ATG7: variants seen among roughly 807,000 people sequenced by gnomAD.
The protein encoded by ATG7 is autophagy related 7.
ATG7 carries 70 observed loss-of-function variants against 82.4 expected under a neutral mutation model. The observed-to-expected ratio is 0.85, with a 90% CI of 0.70 to 1.04. The LOEUF is 1.04. ATG7 is among the 50% of genes least tolerant of loss of function. The pLI is 0.00. For synonymous variants in ATG7, 287 were observed against 313.0 expected, an observed-to-expected ratio of 0.92 and a Z score of 0.88; for missense variants, 792 against 864.3, an observed-to-expected ratio of 0.92 and a Z score of 1.05.
intron 18 of ATG7, among the ~76,000 whole-genome samples, chr3:11,378,045 T>TTTTTGG (rs1553635256): frequency 6.8e-6 from 1 of 146,708 alleles, no homozygotes; most frequent in African/African-American, 2.6e-5. Flanking sequence ...TTTTTTTTTT[T>TTTTTGG]GAGATGGAGT....
chr3:11,476,727 CTTTTTCATT>C (rs2088285440), intron 20 of ATG7, among the ~76,000 whole-genome samples: 2 of 152,162 alleles, frequency 1.3e-5, no homozygotes, highest in Non-Finnish European at 1.5e-5. Flanking sequence ...TGTTTTTCTT[CTTTTTCATT>C]TTTTTCCAAA....
intron 20 of ATG7, among the ~76,000 whole-genome samples, chr3:11,530,189 A>C (rs1345717247): frequency 6.6e-6 from 1 of 152,178 alleles, no homozygotes; most frequent in East Asian, 1.9e-4. Context: ...GACATGACTA[A>C]ACAAACTCTG....
chr3:11,333,029 G>C lies in ATG7; in HGVS notation c.825G>C (p.Gly275=), dbSNP rs1951870137. Residue 275 remains glycine, a synonymous_variant, in exon 11 of 21, where the codon GGG becomes GGC. Transcript: ENST00000693202. ...GCTTCCGTGACCGTACCATGCAGGG[G>C]GCGAGAGACGTTGCCCACAGCATCA... is the stretch of plus-strand genomic sequence containing the variant. The part of the protein sequence containing the change: ...VVCFRDRTMQ[G]ARDVAHSIIF... 2.5e-6 allele frequency: 4 copies of C among 1,577,456 alleles called. No individual in the cohort carries two copies. Among genetic ancestry groups the C allele is most frequent in the East Asian group, 2.4e-5 (1 of 41,798 alleles).
chr3:11,389,339 A>AC (rs2078589618), intron 19 of ATG7, among the ~76,000 whole-genome samples: 1 of 147,686 alleles, frequency 6.8e-6, no homozygotes, highest in Non-Finnish European at 1.5e-5. Flanking sequence ...TACTGTATTT[A>AC]TGATAGTGAT....
At chr3:11,285,129 T>C (rs1030820360) in intron 3 of ATG7, among the ~76,000 whole-genome samples, 35 of 145,020 alleles carry the variant, frequency 2.4e-4, no homozygotes, top group Non-Finnish European at 4.3e-4. Flanking sequence ...GGATTACAGG[T>C]GTGAGCCACC....
At chr3:11,475,315 CTTA>C (rs1429969665) in intron 20 of ATG7, among the ~76,000 whole-genome samples, 6 of 152,066 alleles carry the variant, frequency 3.9e-5, no homozygotes, top group Admixed American at 1.3e-4. Flanking sequence ...ATCCACTGGG[CTTA>C]TTATTAATGT....
In ATG7 at chr3:11,372,835, T is replaced by C. The variant is rs201043661; in HGVS notation, c.1876-7137T>C. 3.2e-4 allele frequency among the ~76,000 whole-genome samples: 28 copies of C among 87,176 alleles called. 1 individual carries two copies. Among genetic ancestry groups the C allele is most frequent in the East Asian group, 1.0e-3 (3 of 3,010 alleles). The allele number at this position is 87,176 out of a possible 152,430, so 57.2% of individuals were successfully genotyped here. ...GTGTGTGCGCGCGTGTGCGTGTGTG[T>C]GCGTGCGTGCGTGTGCGTGTGTGTG... On this transcript the variant is annotated intron_variant, in intron 18 of 20. Transcript: ENST00000693202.
chr3:11,532,908 G>A (rs1464714362), intron 20 of ATG7, among the ~76,000 whole-genome samples: 1 of 152,232 alleles, frequency 6.6e-6, no homozygotes, highest in Non-Finnish European at 1.5e-5. Flanking sequence ...AGGAGGACCT[G>A]AGTCTTGTTA....
At chr3:11,437,565 A>G (rs1372967548) in intron 20 of ATG7, among the ~76,000 whole-genome samples, 2 of 152,200 alleles carry the variant, frequency 1.3e-5, no homozygotes, top group Non-Finnish European at 2.9e-5. Context: ...CCTGTTTACC[A>G]CAGGATTTTT....
intron 9 of ATG7, among the ~76,000 whole-genome samples, chr3:11,322,418 C>A (rs2152739101): frequency 6.6e-6 from 1 of 152,196 alleles, no homozygotes; most frequent in Non-Finnish European, 1.5e-5. Flanking sequence ...AGGTGAGGTT[C>A]CATTCATTAG....
intron 19 of ATG7, among the ~76,000 whole-genome samples, chr3:11,384,167 T>G (rs1191894975): frequency 6.6e-6 from 1 of 152,196 alleles, no homozygotes; most frequent in Non-Finnish European, 1.5e-5. Context: ...ACCAAAACCT[T>G]TTTTCAGACC....
chr3:11,550,851 A>G (rs2071709030), intron 20 of ATG7, among the ~76,000 whole-genome samples: 1 of 150,220 alleles, frequency 6.7e-6, no homozygotes, highest in Non-Finnish European at 1.5e-5. Context: ...TTGCTTATGG[A>G]TTTGGGATCA....
chr3:11,489,546 C>G (rs1163712780), intron 20 of ATG7, among the ~76,000 whole-genome samples: 1 of 143,022 alleles, frequency 7.0e-6, no homozygotes, highest in Non-Finnish European at 1.5e-5. Flanking sequence ...TCTTGCTTTT[C>G]TAGTTCTTTT....
chr3:11,494,385 T>C (rs945531968), intron 20 of ATG7, among the ~76,000 whole-genome samples: 3 of 152,150 alleles, frequency 2.0e-5, no homozygotes, highest in Non-Finnish European at 4.4e-5. Context: ...GTAGGCCTGA[T>C]GGTTGGTTTT....
At chr3:11,417,107 TG>T (rs544874388) in intron 19 of ATG7, among the ~76,000 whole-genome samples, 11 of 152,334 alleles carry the variant, frequency 7.2e-5, no homozygotes, top group South Asian at 4.1e-4. Flanking sequence ...TGTTCTACCT[TG>T]GTGAATATTC....
At chr3:11,314,849 G>A (rs2152724522) in intron 8 of ATG7, among the ~76,000 whole-genome samples, 1 of 152,300 alleles carries the variant, frequency 6.6e-6, no homozygotes, top group Admixed American at 6.5e-5. Context: ...TGAGGTAGGA[G>A]GATTGATTGA....
intron 19 of ATG7, among the ~76,000 whole-genome samples, chr3:11,403,015 A>T (rs1292331399): frequency 1.3e-5 from 2 of 152,232 alleles, no homozygotes; most frequent in African/African-American, 4.8e-5. Context: ...GTACATTAAG[A>T]CATATCAAAC....
intron 14 of ATG7, among the ~76,000 whole-genome samples, chr3:11,349,541 TATA>T (rs534921153): frequency 6.6e-6 from 1 of 151,884 alleles, no homozygotes; most frequent in East Asian, 1.9e-4. Flanking sequence ...ACACTGTCTA[TATA>T]ATAATAATAA....
intron 20 of ATG7, among the ~76,000 whole-genome samples, chr3:11,482,726 A>G (rs773475025): frequency 1.2e-4 from 19 of 152,012 alleles, no homozygotes; most frequent in South Asian, 4.1e-4. Flanking sequence ...ACCATGATTT[A>G]TAGGGGATAT....
Sources: gnomAD v4.1 joint callset for allele counts (sites outside exome capture counted in the v4.1 genomes callset) on GRCh38, gnomAD v4.1.1 for gene constraint, MANE v1.5 for transcripts, NCBI Gene and HGNC (gene_info 2026-07-23, HGNC 2026-07-21) for gene names.